Variants in ABTB3 observed in about 807,000 individuals in gnomAD.
The protein encoded by ABTB3 is ankyrin repeat- and BTB/POZ domain-containing protein 3.
chr12:107,561,874 C>T, the ABTB3 span, among the ~76,000 whole-genome samples: 15 of 152,324 alleles, frequency 9.8e-5, no homozygotes, highest in Middle Eastern at 3.4e-3. Flanking sequence ...TTTTCCTAAA[C>T]GCTTCTGCCT....
the ABTB3 span, among the ~76,000 whole-genome samples, chr12:107,344,775 A>C: frequency 6.6e-6 from 1 of 152,246 alleles, no homozygotes; most frequent in Non-Finnish European, 1.5e-5. Context: ...AGTGCATGAT[A>C]ATAAACATAA....
At chr12:107,517,251 T>C in the ABTB3 span, among the ~76,000 whole-genome samples, 2 of 152,236 alleles carry the variant, frequency 1.3e-5, no homozygotes, top group Non-Finnish European at 1.5e-5. Context: ...ACCAGTACCA[T>C]GCTGTTTTGG....
the ABTB3 span, among the ~76,000 whole-genome samples, chr12:107,623,358 C>CTTT: frequency 7.0e-4 from 49 of 69,668 alleles, 5 homozygotes; most frequent in Admixed American, 1.2e-3. Context: ...CACGCCTGGC[C>CTTT]TTTTTTTTTT....
chr12:107,515,014 T>C, the ABTB3 span, among the ~76,000 whole-genome samples: 1 of 152,172 alleles, frequency 6.6e-6, no homozygotes, highest in Non-Finnish European at 1.5e-5. Context: ...TGATCTCATT[T>C]CGCTCTCATA....
chr12:107,319,089 G>A, the ABTB3 span: 1 of 1,609,546 alleles, frequency 6.2e-7, no homozygotes, highest in Admixed American at 1.7e-5. Flanking sequence ...TATGGCGGGA[G>A]CTGCTGGCCG....
At chr12:107,562,644 C>G in the ABTB3 span, among the ~76,000 whole-genome samples, 1 of 152,196 alleles carries the variant, frequency 6.6e-6, no homozygotes, top group East Asian at 1.9e-4. Context: ...AAGCTCAGTA[C>G]ATTTTTGTCA....
chr12:107,606,143 CAA>C, the ABTB3 span, among the ~76,000 whole-genome samples: 2 of 152,122 alleles, frequency 1.3e-5, no homozygotes, highest in Admixed American at 6.5e-5. Flanking sequence ...GGGGTCAGGT[CAA>C]AACCTGGCTC....
At chr12:107,392,724 C>A in the ABTB3 span, among the ~76,000 whole-genome samples, 4 of 152,224 alleles carry the variant, frequency 2.6e-5, no homozygotes, top group African/African-American at 9.6e-5. Context: ...CTCCTCTACA[C>A]AACTGTAGGC....
chr12:107,533,468 G>A, the ABTB3 span, among the ~76,000 whole-genome samples: 17 of 152,070 alleles, frequency 1.1e-4, no homozygotes, highest in African/African-American at 3.1e-4. Context: ...GCATACAACA[G>A]TAGCTATATT....
At chr12:107,533,617 A>G in the ABTB3 span, among the ~76,000 whole-genome samples, 13 of 152,246 alleles carry the variant, frequency 8.5e-5, no homozygotes, top group African/African-American at 3.1e-4. Context: ...CAGAGCACCC[A>G]GATATATAAA....
chr12:107,357,353 A>T, the ABTB3 span, among the ~76,000 whole-genome samples: 3 of 152,294 alleles, frequency 2.0e-5, no homozygotes, highest in South Asian at 6.2e-4. Flanking sequence ...GAAATCTGTA[A>T]TCTCAGAGAC....
the ABTB3 span, among the ~76,000 whole-genome samples, chr12:107,337,437 T>C: frequency 6.6e-6 from 1 of 152,246 alleles, no homozygotes; most frequent in Non-Finnish European, 1.5e-5. Context: ...CTTTCTTTAG[T>C]TGTGATTCAC....
At chr12:107,502,780 T>C in the ABTB3 span, among the ~76,000 whole-genome samples, 1 of 152,130 alleles carries the variant, frequency 6.6e-6, no homozygotes, top group African/African-American at 2.4e-5. Context: ...GGATCTAGCT[T>C]GTATGATCCT....
chr12:107,653,341 C>T, the ABTB3 span, among the ~76,000 whole-genome samples: 1 of 151,932 alleles, frequency 6.6e-6, no homozygotes, highest in African/African-American at 2.4e-5. Context: ...ACGGTGAAAC[C>T]CCGTCTCTAC....
chr12:107,503,663 G>A, the ABTB3 span, among the ~76,000 whole-genome samples: 1 of 149,910 alleles, frequency 6.7e-6, no homozygotes, highest in African/African-American at 2.5e-5. Context: ...AGGCTGAGGT[G>A]GGAGGCTCAC....
the ABTB3 span, among the ~76,000 whole-genome samples, chr12:107,481,516 G>C: frequency 6.6e-6 from 1 of 152,144 alleles, no homozygotes; most frequent in Non-Finnish European, 1.5e-5. Flanking sequence ...GGACCTGAGA[G>C]GCCCTCTTGT....
the ABTB3 span, among the ~76,000 whole-genome samples, chr12:107,414,593 C>T: frequency 2.6e-5 from 4 of 152,182 alleles, no homozygotes; most frequent in African/African-American, 4.8e-5. Flanking sequence ...GCGAGACATT[C>T]GGCTATTTTT....
chr12:107,579,480 A>G, the ABTB3 span, among the ~76,000 whole-genome samples: 1 of 152,192 alleles, frequency 6.6e-6, no homozygotes, highest in Non-Finnish European at 1.5e-5. Flanking sequence ...CATAATCATA[A>G]CTAGCACAGA....
At chr12:107,596,778 C>A in the ABTB3 span, among the ~76,000 whole-genome samples, 2 of 152,122 alleles carry the variant, frequency 1.3e-5, no homozygotes, top group African/African-American at 4.8e-5. Flanking sequence ...TACCCCTCCA[C>A]CTTCCTTCCC....
Sources: allele counts gnomAD v4.1 joint callset (sites outside exome capture counted in the v4.1 genomes callset), GRCh38; gene constraint gnomAD v4.1.1; transcripts MANE v1.5; gene names NCBI Gene and HGNC (gene_info 2026-07-23, HGNC 2026-07-21).